RAB27B: variants seen among roughly 807,000 people sequenced by gnomAD.
The protein encoded by RAB27B is RAB27B, member RAS oncogene family.
Under a neutral mutation model 24.6 loss-of-function variants are expected in RAB27B, and 15 were observed. The ratio of observed to expected loss-of-function variants is 0.61; its 90% CI spans 0.41 to 0.94. RAB27B has a LOEUF of 0.94. Among genes scored for constraint, RAB27B ranks in the 40% least tolerant of loss-of-function variants. The pLI, the probability that RAB27B is intolerant of heterozygous loss-of-function variation, is 0.00. For missense variants in RAB27B, 261 were observed against 266.8 expected, an observed-to-expected ratio of 0.98 and a Z score of 0.15; for synonymous variants, 105 against 92.5, an observed-to-expected ratio of 1.14 and a Z score of -0.78.
chr18:54,859,786 C>T (rs1037439879), intron 1 of RAB27B, among the ~76,000 whole-genome samples: 6 of 152,092 alleles, frequency 3.9e-5, no homozygotes, highest in African/African-American at 9.7e-5. Flanking sequence ...CGTGGTCAAT[C>T]GATTAGGTTA....
At position 54,773,863 on chromosome 18, in the gene RAB27B, G is replaced by A. The variant is rs574316958; in HGVS notation, c.-20+55722G>A. Among the ~76,000 whole-genome samples, 26 of 151,962 alleles carry A rather than the reference G, an allele frequency of 1.7e-4. No individual in the cohort carries two copies. In the East Asian group the frequency reaches 4.7e-3, roughly 27 times the overall value. Reference sequence around the variant, plus strand: ...CTAATTTTTGTATTTTAGTAGAGATGGGGTTTCATTATCTTCACCAAGGCC... The same window carrying A: ...CTAATTTTTGTATTTTAGTAGAGATAGGGTTTCATTATCTTCACCAAGGCC... On this transcript the variant is annotated intron_variant, in intron 2 of 4. Coordinates refer to the RAB27B transcript ENST00000586570.
At chr18:54,825,646 T>TAA (rs1910447303), upstream of RAB27B, among the ~76,000 whole-genome samples, 1 of 152,130 alleles carries the variant, frequency 6.6e-6, no homozygotes, top group Non-Finnish European at 1.5e-5. Context: ...AGGAGCAGGG[T>TAA]AAAAAGGCAT....
intron 2 of RAB27B, among the ~76,000 whole-genome samples, chr18:54,738,032 A>T (rs983567983): frequency 4.6e-5 from 7 of 152,118 alleles, no homozygotes; most frequent in African/African-American, 1.7e-4. Context: ...GTACAATAAA[A>T]AAAGAGAGAT....
intron 1 of RAB27B, among the ~76,000 whole-genome samples, chr18:54,847,608 A>G (rs954012648): frequency 5.9e-5 from 9 of 152,190 alleles, no homozygotes; most frequent in African/African-American, 9.7e-5. Context: ...TTGTTAATTT[A>G]TCTTACTACT....
intron 1 of RAB27B, among the ~76,000 whole-genome samples, chr18:54,832,235 T>G (rs949899645): frequency 1.3e-5 from 2 of 151,670 alleles, no homozygotes; most frequent in African/African-American, 4.8e-5. Flanking sequence ...AGTAGATAGA[T>G]TCAGGAAACA....
At chr18:54,782,392 A>G (rs916264259) in intron 2 of RAB27B, among the ~76,000 whole-genome samples, 4 of 152,224 alleles carry the variant, frequency 2.6e-5, no homozygotes, top group African/African-American at 9.6e-5. Flanking sequence ...TGTAAAGAGG[A>G]AAAGAAATTT....
rs1039481995 is a variant in RAB27B, at chr18:54,893,419, A to G, written c.*4006A>G. 6.6e-6 allele frequency: 1 copy of G among 151,984 alleles called. No individual in the cohort carries two copies. The highest frequency in any genetic ancestry group is 2.4e-5 in the African/African-American group (1 of 41,382). 9.4% of individuals were successfully genotyped at this position (151,984 alleles called of 1,614,324 possible). A position where few individuals can be genotyped will look rare whatever the true frequency, so the allele number is the denominator to read the frequency against. On this transcript the variant is annotated 3_prime_UTR_variant, in exon 6 of 6. Coordinates refer to ENST00000262094, the MANE Select transcript of RAB27B (RefSeq NM_004163.4). Reference sequence around the variant, plus strand: ...TCTACTACCAAGCTTTAAGACATTAAAAGAAGTCTAGTGTATTTGAATATT... The same window carrying G: ...TCTACTACCAAGCTTTAAGACATTAGAAGAAGTCTAGTGTATTTGAATATT...
intron 1 of RAB27B, among the ~76,000 whole-genome samples, chr18:54,829,329 A>C (rs1477203431): frequency 1.3e-5 from 2 of 152,226 alleles, no homozygotes; most frequent in South Asian, 2.1e-4. Flanking sequence ...ACATTAATTA[A>C]GCCTCTGAAA....
chr18:54,736,813 G>A (rs935455985), intron 2 of RAB27B, among the ~76,000 whole-genome samples: 55 of 152,194 alleles, frequency 3.6e-4, no homozygotes, highest in Admixed American at 2.5e-3. Context: ...TAGCATAAGC[G>A]TTTGAGTTTT....
At chr18:54,801,537 C>T (rs543904855) in intron 2 of RAB27B, among the ~76,000 whole-genome samples, 1 of 152,266 alleles carries the variant, frequency 6.6e-6, no homozygotes, top group Admixed American at 6.5e-5. Context: ...TACTATTGCC[C>T]ATCTAGGCCT....
At chr18:54,883,281 G>C (rs1454474735) in intron 3 of RAB27B, among the ~76,000 whole-genome samples, 1 of 152,116 alleles carries the variant, frequency 6.6e-6, no homozygotes, top group Non-Finnish European at 1.5e-5. Flanking sequence ...GGCTACAAAT[G>C]AGCCACGGAA....
At chr18:54,877,524 T>A (rs1201800995) in intron 1 of RAB27B, 43 bp from the exon 2 acceptor site, 1 of 1,302,566 alleles carries the variant, frequency 7.7e-7, no homozygotes, top group Non-Finnish European at 1.0e-6. Flanking sequence ...CAAAGGAAAA[T>A]CAACTTTAAT....
At chr18:54,860,120 A>G (rs1168428340) in intron 1 of RAB27B, among the ~76,000 whole-genome samples, 4 of 152,180 alleles carry the variant, frequency 2.6e-5, no homozygotes, top group Non-Finnish European at 4.4e-5. Flanking sequence ...ATTATTTGGC[A>G]TATCAAGAGT....
intron 1 of RAB27B, among the ~76,000 whole-genome samples, chr18:54,870,878 G>A (rs1598980087): frequency 1.3e-5 from 2 of 152,228 alleles, no homozygotes; most frequent in East Asian, 1.9e-4. Context: ...GAGAGTTATA[G>A]GGCAGATGAA....
chr18:54,776,029 T>C (rs964216426), intron 2 of RAB27B, among the ~76,000 whole-genome samples: 1 of 152,242 alleles, frequency 6.6e-6, no homozygotes, highest in African/African-American at 2.4e-5. Context: ...AAAATCAGAA[T>C]GTGTAGAATC....
rs138497024 is a variant in RAB27B, at chr18:54,882,518, T to C, written c.240-1815T>C. ...CACCAGGAGGAGCGCATAGCCCACATGCAGTGTTGGGAAGGCCCCTTCGGG... is the reference window on the plus strand; with the variant it reads ...CACCAGGAGGAGCGCATAGCCCACACGCAGTGTTGGGAAGGCCCCTTCGGG... On this transcript the variant is annotated intron_variant, in intron 3 of 5. Coordinates refer to ENST00000262094, the MANE Select transcript of RAB27B (RefSeq NM_004163.4). Among the ~76,000 whole-genome samples the C allele has an allele frequency of 1.3e-3, 192 of 152,264 alleles. 2 individuals are homozygous for C. Among genetic ancestry groups the C allele is most frequent in the African/African-American group, 4.5e-3 (185 of 41,554 alleles).
At chr18:54,756,786 T>G (rs965590208) in intron 2 of RAB27B, among the ~76,000 whole-genome samples, 1 of 152,228 alleles carries the variant, frequency 6.6e-6, no homozygotes, top group Non-Finnish European at 1.5e-5. Flanking sequence ...AGGAATACAT[T>G]ACTAAGGTCA....
intron 2 of RAB27B, among the ~76,000 whole-genome samples, chr18:54,719,912 T>C (rs1909306356): frequency 6.6e-6 from 1 of 152,030 alleles, no homozygotes; most frequent in South Asian, 2.1e-4. Context: ...TCATTACACA[T>C]GTCTTGTTAA....
At position 54,850,359 on chromosome 18, in the gene RAB27B, T is replaced by TATATATATATACAC. The variant is rs1491518141; in HGVS notation, c.-20+21660_-20+21661insTATATATATACACA. 5.5e-4 allele frequency among the ~76,000 whole-genome samples: 70 copies of TATATATATATACAC among 126,870 alleles called. 2 individuals carry two copies. Among genetic ancestry groups the TATATATATATACAC allele is most frequent in the African/African-American group, 1.9e-3 (62 of 32,004 alleles). The allele number at this position is 126,870 out of a possible 152,430, so 83.2% of individuals were successfully genotyped here. A position where few individuals can be genotyped will look rare whatever the true frequency, so the allele number is the denominator to read the frequency against. On this transcript the variant is annotated intron_variant, in intron 1 of 5. Coordinates refer to ENST00000262094, the MANE Select transcript of RAB27B (RefSeq NM_004163.4). ...ATATATATATATATATATATATATA[T>TATATATATATACAC]ACATACATACATATGTTTAGTTTTT...
Sources: allele counts gnomAD v4.1 joint callset (sites outside exome capture counted in the v4.1 genomes callset), GRCh38; gene constraint gnomAD v4.1.1; transcripts MANE v1.5; gene names NCBI Gene and HGNC (gene_info 2026-07-23, HGNC 2026-07-21).